The following PLAC1 variants were observed in gnomAD, a reference collection of about 807,000 sequenced individuals.
PLAC1 encodes placenta-specific protein 1.
For missense variants in PLAC1, 136 were observed against 163.2 expected (o/e 0.83, Z 0.91); for synonymous variants, 68 against 62.1 (o/e 1.09, Z -0.44).
chrX:134,628,988 G>T (rs1050643369), intron 1 of PLAC1, among the ~76,000 whole-genome samples: 3 of 111,745 alleles, frequency 2.7e-5, no homozygotes, highest in Non-Finnish European at 5.6e-5. Flanking sequence ...CTATTCTGTG[G>T]GACAGTTTCA....
intron 1 of PLAC1, among the ~76,000 whole-genome samples, chrX:134,634,461 T>G (rs1472943488): frequency 1.8e-5 from 2 of 112,026 alleles, no homozygotes; most frequent in Non-Finnish European, 3.8e-5. Context: ...CAATCAATTT[T>G]AGAACATTTT....
rs889194225 is a variant in PLAC1, at chrX:134,676,020, C to T, written n.174+57415G>A. On this transcript the variant is annotated intron_variant and non_coding_transcript_variant, in intron 2 of 2. Transcript: ENST00000466797. ...TTAACCCTTCCATGCCCCTTGCTGT[C>T]ATGTGACTCAAGTCATAATTTATTG... 8.9e-5 allele frequency among the ~76,000 whole-genome samples: 10 copies of T among 112,013 alleles called. No individual in the cohort carries two copies. In the Admixed American group the frequency reaches 9.4e-4, roughly 11 times the overall value.
chrX:134,683,579 C>T (rs772139361), intron 2 of PLAC1, among the ~76,000 whole-genome samples: 7 of 111,751 alleles, frequency 6.3e-5, no homozygotes, highest in South Asian at 3.8e-4. Context: ...CAGGCTAATT[C>T]GGCCCAGATT....
intron 1 of PLAC1, among the ~76,000 whole-genome samples, chrX:134,623,026 A>G (rs150212016): frequency 2.7e-5 from 3 of 112,440 alleles, no homozygotes; most frequent in Non-Finnish European, 5.6e-5. Flanking sequence ...CCCTCAGGGA[A>G]CATTCTTTTC....
intron 1 of PLAC1, among the ~76,000 whole-genome samples, chrX:134,738,371 A>G (rs369748154): frequency 1.6e-4 from 18 of 111,858 alleles, no homozygotes; most frequent in African/African-American, 5.8e-4. Context: ...GACACAAGGC[A>G]GACAATCCTC....
chrX:134,719,731 A>T (rs768802042), intron 2 of PLAC1, among the ~76,000 whole-genome samples: 1 of 111,829 alleles, frequency 8.9e-6, no homozygotes, highest in South Asian at 3.8e-4. Context: ...TGGAGGTTGC[A>T]GTGAGCTGAG....
intron 1 of PLAC1, among the ~76,000 whole-genome samples, chrX:134,743,088 G>C (rs149331504): frequency 8.9e-6 from 1 of 111,928 alleles, no homozygotes; most frequent in Admixed American, 9.5e-5. Context: ...ATTTGTTTGA[G>C]AGGGATAAAT....
chrX:134,653,683 G>C (rs1404106493), intron 1 of PLAC1, among the ~76,000 whole-genome samples: 1 of 111,228 alleles, frequency 9.0e-6, no homozygotes, highest in East Asian at 2.8e-4. Context: ...TCTTGTCTCA[G>C]GATTGTTCTT....
intron 2 of PLAC1, among the ~76,000 whole-genome samples, chrX:134,684,317 TC>T (rs983556510): frequency 1.9e-5 from 2 of 107,098 alleles, no homozygotes; most frequent in African/African-American, 6.9e-5. Context: ...TAGTAGAAAC[TC>T]AGGAATTGGC....
intron 2 of PLAC1, among the ~76,000 whole-genome samples, chrX:134,718,391 G>A (rs1184480233): frequency 8.9e-6 from 1 of 112,197 alleles, no homozygotes; most frequent in Non-Finnish European, 1.9e-5. Context: ...GGCATTACTT[G>A]AAAAGTACGT....
chrX:134,755,991 A>G (rs189449021), intron 1 of PLAC1, among the ~76,000 whole-genome samples: 3 of 104,802 alleles, frequency 2.9e-5, no homozygotes, highest in African/African-American at 1.1e-4. Flanking sequence ...AGCTGGGACT[A>G]CAGGTGCCCA....
intron 1 of PLAC1, among the ~76,000 whole-genome samples, chrX:134,739,419 G>A (rs1019288480): frequency 1.8e-5 from 2 of 112,127 alleles, no homozygotes; most frequent in African/African-American, 6.5e-5. Context: ...AGGCAACATC[G>A]CTCCTATGCC....
At chrX:134,579,168 ATGC>A (rs1371760158) in intron 2 of PLAC1, among the ~76,000 whole-genome samples, 3 of 110,147 alleles carry the variant, frequency 2.7e-5, no homozygotes, top group Non-Finnish European at 5.7e-5. Context: ...CCCCAATAGA[ATGC>A]ACTCCCTCCT....
At chrX:134,708,758 G>A (rs1002789302) in intron 2 of PLAC1, among the ~76,000 whole-genome samples, 2 of 110,391 alleles carry the variant, frequency 1.8e-5, no homozygotes, top group East Asian at 2.8e-4. Flanking sequence ...GGCTGGTCTC[G>A]ACCTCCCAAA....
chrX:134,621,444 CAAAAAAAAAAAAA>C (rs11317429), intron 1 of PLAC1, among the ~76,000 whole-genome samples: 14 of 33,866 alleles, frequency 4.1e-4, no homozygotes, highest in African/African-American at 1.3e-3. Flanking sequence ...GGCTCTGTCT[CAAAAAAAAAAAAA>C]AAAAAAAAAA....
intron 2 of PLAC1, among the ~76,000 whole-genome samples, chrX:134,710,041 G>A (rs2078623217): frequency 9.0e-6 from 1 of 111,305 alleles, no homozygotes; most frequent in African/African-American, 3.3e-5. Context: ...TAAAGTTAAA[G>A]ATAAGCCATA....
intron 2 of PLAC1, among the ~76,000 whole-genome samples, chrX:134,701,502 C>T (rs1391794205): frequency 8.9e-6 from 1 of 111,849 alleles, no homozygotes; most frequent in African/African-American, 3.3e-5. Flanking sequence ...AAACAGACAA[C>T]ATATAGAATG....
chrX:134,660,438 A>C, upstream of PLAC1, among the ~76,000 whole-genome samples: 1 of 112,283 alleles, frequency 8.9e-6, no homozygotes, highest in East Asian at 2.8e-4. Flanking sequence ...AGAAACTAGA[A>C]GGCAAGAATA....
chrX:134,697,671 C>A (rs1602918805), intron 2 of PLAC1, among the ~76,000 whole-genome samples: 1 of 111,480 alleles, frequency 9.0e-6, no homozygotes, highest in African/African-American at 3.3e-5. Context: ...AGTTCGAGAC[C>A]AGCCTGGCCA....
Sources: gnomAD v4.1 joint callset for allele counts (sites outside exome capture counted in the v4.1 genomes callset) on GRCh38, gnomAD v4.1.1 for gene constraint, MANE v1.5 for transcripts, NCBI Gene and HGNC (gene_info 2026-07-23, HGNC 2026-07-21) for gene names.